Variants in TRPM6 observed in about 807,000 individuals in gnomAD.
TRPM6 encodes transient receptor potential cation channel subfamily M member 6, also known as channel kinase 2.
TRPM6 carries 111 observed loss-of-function variants against 247.6 expected under a neutral mutation model. The observed-to-expected ratio is 0.45, with a 90% CI of 0.38 to 0.52. The LOEUF is 0.52. Among genes scored for constraint, TRPM6 ranks in the 20% least tolerant of loss-of-function variants. The pLI is 0.00. For synonymous variants in TRPM6, 892 were observed against 853.8 expected (o/e 1.04, Z -0.78); for missense variants, 2,126 against 2,421.5 (o/e 0.88, Z 2.56).
chr9:74,852,616 C>T (rs1355968005), intron 3 of TRPM6, among the ~76,000 whole-genome samples: 1 of 152,290 alleles, frequency 6.6e-6, no homozygotes, highest in South Asian at 2.1e-4. Context: ...CTCAGCCTGC[C>T]GAGTGCCTGG....
chr9:74,732,079 C>T (rs1825539255), intron 37 of TRPM6, among the ~76,000 whole-genome samples: 1 of 152,170 alleles, frequency 6.6e-6, no homozygotes, highest in Non-Finnish European at 1.5e-5. Flanking sequence ...GCCAAGTCTT[C>T]CCAAAAACCT....
At chr9:74,774,011 A>G (rs1827133704) in intron 24 of TRPM6, among the ~76,000 whole-genome samples, 1 of 152,170 alleles carries the variant, frequency 6.6e-6, no homozygotes, top group Non-Finnish European at 1.5e-5. Flanking sequence ...AGAGCAAACA[A>G]TCCAGAGTAA....
intron 23 of TRPM6, 145 bp from the exon 24 acceptor site, chr9:74,776,221 C>T (rs1827217925): frequency 1.4e-6 from 1 of 724,410 alleles, no homozygotes. Flanking sequence ...GTTTACAATT[C>T]TTCTTCCACC....
intron 6 of TRPM6, among the ~76,000 whole-genome samples, chr9:74,830,983 C>T (rs1228778954): frequency 6.6e-6 from 1 of 151,990 alleles, no homozygotes; most frequent in Non-Finnish European, 1.5e-5. Flanking sequence ...AAGCATTCCA[C>T]TTCGAGAATT....
chr9:74,840,209 A>T lies in TRPM6; in HGVS notation c.359T>A (p.Leu120Gln). The change falls in exon 5 of 39, where the codon CTG becomes CAG. Residue 120 changes from leucine to glutamine, a missense_variant. Leu to Gln is a moderately radical substitution (Grantham distance 113). This residue lies in a region of TRPM6 where 1,082 missense variants were observed against 1,307.9 expected (regional missense o/e 0.83). Coordinates refer to ENST00000360774, the MANE Select transcript of TRPM6 (RefSeq NM_017662.5). ...CAACATTAAATGTAACAGATGATCC[A>T]GTTTTGTATCATAAGAAGTTCTAAT... ...KYIRTSYDTK[L>Q]DHLLHLMLKE... is the part of the protein sequence containing the mutation. 1 of 1,613,854 alleles carries T rather than the reference A, an allele frequency of 6.2e-7. No individual in the cohort carries two copies. The highest frequency in any genetic ancestry group is 8.5e-7 in the Non-Finnish European group (1 of 1,179,706).
chr9:74,763,247 A>G, intron 25 of TRPM6, 113 bp from the exon 26 acceptor site: 1 of 1,016,690 alleles, frequency 9.8e-7, no homozygotes, highest in East Asian at 2.6e-5. Context: ...CTGCTTCCCT[A>G]GGTTAAGTCT....
intron 2 of TRPM6, 131 bp downstream of exon 2, chr9:74,858,538 G>A (rs1227806246): frequency 3.3e-6 from 2 of 605,378 alleles, no homozygotes; most frequent in Non-Finnish European, 5.7e-6. Flanking sequence ...TAAAGTGAAA[G>A]AAATAAACAT....
chr9:74,767,966 T>C (rs1826884445), intron 25 of TRPM6, among the ~76,000 whole-genome samples: 1 of 152,132 alleles, frequency 6.6e-6, no homozygotes, highest in Non-Finnish European at 1.5e-5. Context: ...AATTAGAGCT[T>C]CATAACCAAA....
chr9:74,793,463 T>A (rs1437794236), intron 18 of TRPM6, among the ~76,000 whole-genome samples: 1 of 152,088 alleles, frequency 6.6e-6, no homozygotes, highest in Non-Finnish European at 1.5e-5. Flanking sequence ...GAGATTCTCA[T>A]ACCTCAGCCT....
At chr9:74,738,640 C>A in intron 35 of TRPM6, 28 bp from the exon 36 acceptor site, 5 of 1,599,398 alleles carry the variant, frequency 3.1e-6, no homozygotes, top group Middle Eastern at 3.3e-4. Flanking sequence ...GCCATTGATC[C>A]CCCACAATAC....
chr9:74,810,860 T>C lies in TRPM6; in HGVS notation c.1452A>G (p.Gly484=), dbSNP rs1828705074. 5.0e-6 allele frequency: 8 copies of C among 1,613,612 alleles called. No homozygotes were observed. The highest frequency in any genetic ancestry group is 1.6e-4 in the Middle Eastern group (1 of 6,062). ...GATGATGCAAGAGTGTATTAGTAGG[T>C]CCTTGTTTCTGAAATAAAGAACAAA... ...RLEELYNTKQ[G]PTNTLLHHLV... The change falls in exon 13 of 39, where the codon GGA becomes GGG. Residue 484 remains glycine (G), a synonymous_variant. Transcript: ENST00000360774.
At position 74,840,190 on chromosome 9, in the gene TRPM6, T is replaced by G; in HGVS notation, c.378A>C (p.Leu126Phe). The G allele has an allele frequency of 6.2e-7, 1 of 1,614,072 alleles. No homozygotes were observed. The highest frequency in any genetic ancestry group is 8.5e-7 in the Non-Finnish European group (1 of 1,179,966). Reference protein sequence around the residue: ...YDTKLDHLLHLMLKEWKMELP... With the variant: ...YDTKLDHLLHFMLKEWKMELP... ...GTTCCATTTTCCACTCTTTCAACAT[T>G]AAATGTAACAGATGATCCAGTTTTG... The change falls in exon 5 of 39, where the codon TTA becomes TTC. Residue 126 changes from leucine to phenylalanine, a missense_variant. Leu to Phe is a conservative substitution (Grantham distance 22, BLOSUM62 0). This residue lies in a region of TRPM6 where 1,082 missense variants were observed against 1,307.9 expected (regional missense o/e 0.83). Transcript: ENST00000360774.
At chr9:74,842,440 A>T in intron 3 of TRPM6, 97 bp from the exon 4 acceptor site, 6 of 1,246,660 alleles carry the variant, frequency 4.8e-6, no homozygotes, top group Non-Finnish European at 7.0e-6. Flanking sequence ...GCCATATACT[A>T]TTTCTTAAAA....
At chr9:74,871,645 G>A (rs2118463163) in intron 1 of TRPM6, among the ~76,000 whole-genome samples, 1 of 152,134 alleles carries the variant, frequency 6.6e-6, no homozygotes, top group Middle Eastern at 3.4e-3. Flanking sequence ...AAATTTCTAA[G>A]TCAACTCAGA....
chr9:74,767,383 A>C (rs1031076181), intron 25 of TRPM6, among the ~76,000 whole-genome samples: 1 of 152,228 alleles, frequency 6.6e-6, no homozygotes, highest in Non-Finnish European at 1.5e-5. Flanking sequence ...AGGGAAAGTA[A>C]GATTTAAAAC....
rs1481979314 is a variant in TRPM6 at position 74,816,773 on chromosome 9, G to A, written c.1208-4C>T. On this transcript the variant is annotated splice_polypyrimidine_tract_variant and splice_region_variant and intron_variant, in intron 10 of 38. Transcript: ENST00000360774. ...TCTGACGCTGATAAATTTGTGCCTA[G>A]GGTAAAAGAAAGGAACAATCATATA... 6.2e-7 allele frequency: 1 copy of A among 1,613,892 alleles called. No individual in the cohort carries two copies. Among genetic ancestry groups the A allele is most frequent in the East Asian group, 2.2e-5 (1 of 44,880 alleles).
At position 74,724,428 on chromosome 9, in the gene TRPM6, G is replaced by C. The variant is rs1002237679; in HGVS notation, c.*185C>G. On this transcript the variant is annotated 3_prime_UTR_variant, in exon 39 of 39. Transcript: ENST00000360774. Reference sequence around the variant, plus strand: ...GGAGCTGCAAAGTGCCCTGGACAGAGGTCAGTGTCTAGGAGAACCCATTGA... The same window carrying C: ...GGAGCTGCAAAGTGCCCTGGACAGACGTCAGTGTCTAGGAGAACCCATTGA... 4.4e-5 allele frequency: 34 copies of C among 774,954 alleles called. No individual in the cohort carries two copies. The highest frequency in any genetic ancestry group is 6.4e-5 in the Non-Finnish European group (30 of 472,210). The allele number at this position is 774,954 out of a possible 1,614,324, so 48.0% of individuals were successfully genotyped here.
intron 16 of TRPM6, among the ~76,000 whole-genome samples, chr9:74,800,925 A>C (rs1828309552): frequency 1.4e-5 from 2 of 140,648 alleles, no homozygotes; most frequent in South Asian, 2.2e-4. Flanking sequence ...TTTTTTTGAC[A>C]AAAAAAACTA....
chr9:74,767,511 C>T lies in TRPM6; in HGVS notation c.3536+4192G>A, dbSNP rs115200582. 9.9e-3 allele frequency among the ~76,000 whole-genome samples: 1,501 copies of T among 152,276 alleles called. 31 individuals carry two copies. The highest frequency in any genetic ancestry group is 0.035 in the African/African-American group (1,443 of 41,544). On this transcript the variant is annotated intron_variant, in intron 25 of 38. Transcript: ENST00000360774. ...AATCCTCTGAATCTTTTTCCCTTCC[C>T]TCTTCAAACTATTGCTCAGTTACCT...
Sources: gnomAD v4.1 joint callset for allele counts (sites outside exome capture counted in the v4.1 genomes callset) on GRCh38, gnomAD v4.1.1 for gene constraint, gnomAD v4.1.1 regional missense constraint, MANE v1.5 for transcripts, NCBI Gene and HGNC (gene_info 2026-07-23, HGNC 2026-07-21) for gene names.